Variants in NBPF10 observed in about 807,000 individuals in gnomAD.
NBPF10 encodes NBPF member 10, also known as NBPF family member NBPF10.
NBPF10 carries 63 observed loss-of-function variants against 77.9 expected under a neutral mutation model. The observed-to-expected ratio is 0.81, with a 90% CI of 0.66 to 1.00. The LOEUF is 1.00. NBPF10 is among the 50% of genes least tolerant of loss of function. NBPF10 has a pLI of 0.00. For synonymous variants in NBPF10, 146 were observed against 264.5 expected (o/e 0.55, Z 4.35); for missense variants, 522 against 679.8 (o/e 0.77, Z 2.58).
intron 89 of NBPF10, among the ~76,000 whole-genome samples, chr1:146,066,945 G>A (rs1291473741): frequency 6.9e-6 from 1 of 145,656 alleles, no homozygotes; most frequent in Non-Finnish European, 1.5e-5. Flanking sequence ...ATTCGATGCA[G>A]TGGCCATGAG....
At chr1:146,109,220 G>C in intron 35 of NBPF10, 106 bp from the exon 36 acceptor site, 1 of 106,458 alleles carries the variant, frequency 9.4e-6, no homozygotes, top group African/African-American at 6.1e-5. Flanking sequence ...AAAACTAAAA[G>C]GATAGATCCA....
intron 2 of NBPF10, among the ~76,000 whole-genome samples, chr1:146,142,356 T>G (rs1195342149): frequency 3.2e-3 from 426 of 132,660 alleles, no homozygotes; most frequent in African/African-American, 9.7e-3. Context: ...ACCATTTTGA[T>G]TATACTGAAT....
In NBPF10 at chr1:146,141,954, A is replaced by T. The variant is rs377627006; in HGVS notation, c.279-136T>A. On this transcript the variant is annotated intron_variant, in intron 2 of 89. Coordinates refer to ENST00000583866, the Ensembl canonical transcript of NBPF10. ...AGGTCAGCACATGTTGAAAGGAATG[A>T]CTGTGGCCAAGAGAAAGAATAGAAA... 69 of 694,224 alleles carry T rather than the reference A, an allele frequency of 9.9e-5. 8 individuals carry two copies. Among genetic ancestry groups the T allele is most frequent in the Middle Eastern group, 3.8e-4 (1 of 2,626 alleles). 43.0% of individuals were successfully genotyped at this position (694,224 alleles called of 1,614,324 possible). A position where few individuals can be genotyped will look rare whatever the true frequency, so the allele number is the denominator to read the frequency against.
chr1:146,138,770 T>C (rs1172497154), intron 5 of NBPF10, among the ~76,000 whole-genome samples: 2 of 127,948 alleles, frequency 1.6e-5, no homozygotes, highest in East Asian at 2.5e-4. Flanking sequence ...GCTTTTTTAA[T>C]TTTTTTCTTT....
At chr1:146,138,771 T>G (rs1376477381) in intron 5 of NBPF10, among the ~76,000 whole-genome samples, 3 of 115,104 alleles carry the variant, frequency 2.6e-5, no homozygotes, top group Non-Finnish European at 5.9e-5. Flanking sequence ...CTTTTTTAAT[T>G]TTTTTCTTTT....
intron 14 of NBPF10, among the ~76,000 whole-genome samples, 155 bp downstream of exon 14, chr1:146,126,081 A>T (rs1553789782): frequency 6.6e-6 from 1 of 151,582 alleles, no homozygotes; most frequent in East Asian, 1.9e-4. Flanking sequence ...CTGGGCTTCC[A>T]AGTGGAACTA....
exon 14 of NBPF10, chr1:146,126,310 T>G (rs782766407): frequency 6.8e-7 from 1 of 1,460,488 alleles, no homozygotes. Context: ...CTGGCATGAG[T>G]CAGTCAGTTC....
intron 89 of NBPF10, 115 bp downstream of exon 89, chr1:146,067,065 T>A (rs1655159658): frequency 1.7e-6 from 1 of 573,028 alleles, no homozygotes; most frequent in Non-Finnish European, 3.1e-6. Context: ...GCAATGACAG[T>A]AGGAGTAATT....
intron 14 of NBPF10, among the ~76,000 whole-genome samples, chr1:146,126,022 C>A (rs587623288): frequency 2.0e-5 from 3 of 151,754 alleles, no homozygotes; most frequent in African/African-American, 7.3e-5. Flanking sequence ...GTGCCACAGG[C>A]ATGGCCTGAG....
exon 15 of NBPF10, chr1:146,125,487 C>A (rs192293322): frequency 0.034 from 15,525 of 461,412 alleles, 651 homozygotes; most frequent in Non-Finnish European, 0.043. Flanking sequence ...GGGTCTTGGT[C>A]TTCTTCCACT....
chr1:146,125,454 C>G lies in NBPF10; in HGVS notation c.2078+11G>C. ...ACACAGAATTAAGCATCCATAATTG[C>G]TCAAAGTTACCTGGGGCATGATGGG... is the stretch of plus-strand genomic sequence containing the variant. On this transcript the variant is annotated intron_variant, in intron 15 of 89. Transcript: ENST00000583866. The G allele has an allele frequency of 1.0e-5, 4 of 392,154 alleles. No individual in the cohort carries two copies. The highest frequency in any genetic ancestry group is 5.2e-5 in the Admixed American group (1 of 19,096). 24.3% of individuals were successfully genotyped at this position (392,154 alleles called of 1,614,324 possible).
chr1:146,138,961 T>C (rs77797569), intron 5 of NBPF10, among the ~76,000 whole-genome samples: 1 of 139,122 alleles, frequency 7.2e-6, no homozygotes, highest in Non-Finnish European at 1.6e-5. Flanking sequence ...TTTTTGTATT[T>C]TTAGTAGAGA....
At chr1:146,068,123 G>A in exon 88 of NBPF10, 1 of 500,032 alleles carries the variant, frequency 2.0e-6, no homozygotes, top group South Asian at 2.0e-5. Context: ...CATCTATCCA[G>A]TGAGTCCTGC....
chr1:146,069,670 C>A (rs587654089), exon 86 of NBPF10: 4 of 1,225,366 alleles, frequency 3.3e-6, no homozygotes, highest in Non-Finnish European at 4.7e-6. Flanking sequence ...CCAGTGAGTC[C>A]TGCAAGACTT....
At chr1:146,135,317 C>G in exon 8 of NBPF10, 1 of 663,984 alleles carries the variant, frequency 1.5e-6, no homozygotes, top group Non-Finnish European at 2.6e-6. Flanking sequence ...CTGGGCTGAG[C>G]TTTTGGACAA....
At chr1:146,090,421 AAGAC>A (rs1571144107) in intron 59 of NBPF10, among the ~76,000 whole-genome samples, 187 bp from the exon 60 acceptor site, 1 of 7,682 alleles carries the variant, frequency 1.3e-4, no homozygotes, top group Non-Finnish European at 2.4e-4. Flanking sequence ...ATGAAAGAGA[AAGAC>A]AGATAGACAC....
chr1:146,136,230 C>G (rs368889182), intron 7 of NBPF10, 123 bp downstream of exon 7: 1 of 831,150 alleles, frequency 1.2e-6, no homozygotes, highest in Non-Finnish European at 2.0e-6. Flanking sequence ...GTGTAGCGAG[C>G]CTGCCATGGC....
Position 146,142,585 on chromosome 1 carries a change from C to T in NBPF10, c.278+65G>A, listed in dbSNP as rs1448663262. ...CAGCTTCGTTCTTACTTCTCCCCGCCGAGCTGCTGTACTTCAGAGATCTAC... is the reference window on the plus strand; with the variant it reads ...CAGCTTCGTTCTTACTTCTCCCCGCTGAGCTGCTGTACTTCAGAGATCTAC... On this transcript the variant is annotated intron_variant, in intron 2 of 89. Coordinates refer to ENST00000583866, the Ensembl canonical transcript of NBPF10. 470 of 828,708 alleles carry T rather than the reference C, an allele frequency of 5.7e-4. 96 individuals are homozygous for T. The highest frequency in any genetic ancestry group is 1.7e-3 in the East Asian group (56 of 32,648). 51.3% of individuals were successfully genotyped at this position (828,708 alleles called of 1,614,324 possible).
chr1:146,073,923 G>A lies in NBPF10; in HGVS notation c.10078+348C>T, dbSNP rs1655907220. Among the ~76,000 whole-genome samples the A allele has an allele frequency of 3.9e-5, 3 of 76,418 alleles. 1 individual carries two copies. Among genetic ancestry groups the A allele is most frequent in the Non-Finnish European group, 7.1e-5 (2 of 28,190 alleles). 50.1% of individuals were successfully genotyped at this position (76,418 alleles called of 152,430 possible). On this transcript the variant is annotated intron_variant, in intron 80 of 89. Transcript: ENST00000583866. ...TACTCAGATTGTTCATGGTAGTGAG[G>A]ATTTGAGACGCTGAAATTAGAGTGA...
Sources: gnomAD v4.1 joint callset for allele counts (sites outside exome capture counted in the v4.1 genomes callset) on GRCh38, gnomAD v4.1.1 for gene constraint, MANE v1.5 for transcripts, NCBI Gene and HGNC (gene_info 2026-07-23, HGNC 2026-07-21) for gene names.